Variants in BTBD16 observed in about 807,000 individuals in gnomAD.
BTBD16 encodes BTB domain containing 16.
In BTBD16, 66 loss-of-function variants were observed where a neutral mutation model predicts 67.4. That is an observed-to-expected ratio of 0.98 (90% confidence interval 0.80 to 1.20). The LOEUF is 1.20. BTBD16 is among the 50% of genes most tolerant of loss of function. The pLI, the probability that BTBD16 is intolerant of heterozygous loss-of-function variation, is 0.00. For missense variants in BTBD16, 634 were observed against 616.0 expected (o/e 1.03, Z -0.31); for synonymous variants, 242 against 236.4 (o/e 1.02, Z -0.22).
chr10:122,302,159 C>T (rs555024694), intron 9 of BTBD16, among the ~76,000 whole-genome samples: 9 of 152,314 alleles, frequency 5.9e-5, no homozygotes, highest in African/African-American at 2.2e-4. Flanking sequence ...GGCCATTCAG[C>T]CGTCTCCATC....
In BTBD16 at chr10:122,283,843, C is replaced by T. The variant is rs1178472929; in HGVS notation, c.168-8C>T. On this transcript the variant is annotated splice_polypyrimidine_tract_variant and splice_region_variant and intron_variant, in intron 3 of 15. Transcript: ENST00000260723. ...CTCCTGGATTTTATATTTGCATTTTCCCTTGAGGTTATGCATTTCACAAAT... is the reference window on the plus strand; with the variant it reads ...CTCCTGGATTTTATATTTGCATTTTTCCTTGAGGTTATGCATTTCACAAAT... 1 of 1,611,916 alleles carries T rather than the reference C, an allele frequency of 6.2e-7. No individual in the cohort carries two copies. The highest frequency in any genetic ancestry group is 8.5e-7 in the Non-Finnish European group (1 of 1,178,082).
chr10:122,309,346 G>GT (rs1281175436), intron 10 of BTBD16, among the ~76,000 whole-genome samples: 2 of 146,084 alleles, frequency 1.4e-5, no homozygotes, highest in Admixed American at 1.4e-4. Context: ...TTTGGTTTTT[G>GT]TTTTTGTTTT....
At chr10:122,280,979 T>C (rs987868272) in intron 3 of BTBD16, among the ~76,000 whole-genome samples, 8 of 152,044 alleles carry the variant, frequency 5.3e-5, no homozygotes, top group African/African-American at 1.9e-4. Flanking sequence ...ATTTTTTATT[T>C]AATGTTTTGT....
At chr10:122,292,509 C>G (rs1362170039) in intron 7 of BTBD16, among the ~76,000 whole-genome samples, 1 of 152,250 alleles carries the variant, frequency 6.6e-6, no homozygotes, top group African/African-American at 2.4e-5. Flanking sequence ...TAACACTGTA[C>G]TATTCCACTT....
intron 10 of BTBD16, among the ~76,000 whole-genome samples, chr10:122,312,186 A>G (rs964995256): frequency 6.6e-6 from 1 of 152,222 alleles, no homozygotes; most frequent in African/African-American, 2.4e-5. Context: ...AAATACTGCC[A>G]AACAGTTTTG....
At chr10:122,298,002 A>T (rs1485891166) in intron 8 of BTBD16, among the ~76,000 whole-genome samples, 165 bp downstream of exon 8, 3 of 151,176 alleles carry the variant, frequency 2.0e-5, no homozygotes, top group Non-Finnish European at 3.0e-5. Flanking sequence ...TTTTTTTTTT[A>T]AACCATCATT....
At chr10:122,324,366 C>T (rs2096440788) in intron 10 of BTBD16, among the ~76,000 whole-genome samples, 2 of 152,202 alleles carry the variant, frequency 1.3e-5, no homozygotes, top group African/African-American at 4.8e-5. Context: ...ATGCCCTGTA[C>T]CATGGGTGCC....
intron 14 of BTBD16, among the ~76,000 whole-genome samples, chr10:122,336,032 G>C (rs2096462759): frequency 6.6e-6 from 1 of 152,146 alleles, no homozygotes; most frequent in African/African-American, 2.4e-5. Flanking sequence ...GAAGAAACCA[G>C]AGTTTTAGTC....
chr10:122,291,205 A>AGCC lies in BTBD16; in HGVS notation c.590+11_590+12insGCC. 6.2e-7 allele frequency: 1 copy of AGCC among 1,606,284 alleles called. No homozygotes were observed. The highest frequency in any genetic ancestry group is 8.5e-7 in the Non-Finnish European group (1 of 1,176,068). The stretch of plus-strand genomic sequence containing the variant: ...TGGCCTGTTTCAAAGGTAAGGAAAC[A>AGCC]AGGCTGACTTTGGGCAGGGCCGGGC... On this transcript the variant is annotated intron_variant, in intron 7 of 15. Transcript: ENST00000260723.
At chr10:122,292,480 G>T (rs190571533) in intron 7 of BTBD16, among the ~76,000 whole-genome samples, 5 of 152,252 alleles carry the variant, frequency 3.3e-5, no homozygotes, top group Admixed American at 1.3e-4. Flanking sequence ...AGGTCAGGGG[G>T]CCCCAGAGCC....
At chr10:122,328,926 AG>A (rs2096450105) in intron 10 of BTBD16, 2 of 656,484 alleles carry the variant, frequency 3.0e-6, no homozygotes, top group African/African-American at 3.9e-5. Flanking sequence ...TGCTAAAACT[AG>A]TTCCCCACAC....
chr10:122,294,686 G>T (rs1033109322), intron 7 of BTBD16, among the ~76,000 whole-genome samples: 1 of 152,210 alleles, frequency 6.6e-6, no homozygotes, highest in Non-Finnish European at 1.5e-5. Context: ...CAACTTCCTG[G>T]TCCTTTAGAA....
chr10:122,302,535 G>A (rs2096396018), intron 9 of BTBD16, among the ~76,000 whole-genome samples: 1 of 152,192 alleles, frequency 6.6e-6, no homozygotes, highest in Admixed American at 6.5e-5. Flanking sequence ...TATAACCCGA[G>A]AAGTCTCGAG....
intron 11 of BTBD16, among the ~76,000 whole-genome samples, chr10:122,330,580 TCAAAATAATATGTTA>T (rs1191714917): frequency 1.3e-5 from 2 of 152,200 alleles, no homozygotes; most frequent in African/African-American, 2.4e-5. Context: ...TATATTTCAT[TCAAAATAATATGTTA>T]CACTTAAATT....
intron 12 of BTBD16, chr10:122,332,186 T>C: frequency 2.2e-6 from 1 of 461,976 alleles, no homozygotes; most frequent in Non-Finnish European, 3.9e-6. Flanking sequence ...TTATTTCCCA[T>C]GTGAGACTGC....
At chr10:122,333,142 C>T (rs948666044) in intron 13 of BTBD16, 4 of 201,006 alleles carry the variant, frequency 2.0e-5, no homozygotes, top group Non-Finnish European at 3.5e-5. Context: ...CAAAAGAATT[C>T]ACGTTTCAAG....
chr10:122,337,540 C>G (rs1357268530), intron 15 of BTBD16, among the ~76,000 whole-genome samples: 1 of 152,198 alleles, frequency 6.6e-6, no homozygotes, highest in Admixed American at 6.5e-5. Context: ...TCTCGGCTCA[C>G]TGCAAGCTCC....
intron 7 of BTBD16, among the ~76,000 whole-genome samples, chr10:122,296,013 C>G (rs1197998101): frequency 1.3e-5 from 2 of 152,012 alleles, no homozygotes; most frequent in Non-Finnish European, 2.9e-5. Flanking sequence ...TGTATACTAA[C>G]TCTAATAACC....
At chr10:122,317,664 C>CCA (rs2096428067) in intron 10 of BTBD16, among the ~76,000 whole-genome samples, 1 of 150,874 alleles carries the variant, frequency 6.6e-6, no homozygotes. Context: ...CACAAAAAAA[C>CCA]AAAAAAAACA....
Sources: gnomAD v4.1 joint callset for allele counts (sites outside exome capture counted in the v4.1 genomes callset) on GRCh38, gnomAD v4.1.1 for gene constraint, MANE v1.5 for transcripts, NCBI Gene and HGNC (gene_info 2026-07-23, HGNC 2026-07-21) for gene names.